LRRC7: variants seen among roughly 807,000 people sequenced by gnomAD.
The protein encoded by LRRC7 is leucine rich repeat containing 7, also known as leucine-rich repeat-containing protein 7.
In LRRC7, 23 loss-of-function variants were observed where a neutral mutation model predicts 175.7. The observed-to-expected ratio is 0.13, with a 90% CI of 0.09 to 0.19. The LOEUF (loss-of-function observed/expected upper bound fraction) is 0.19. LRRC7 is among the 10% of genes least tolerant of loss of function. The probability of loss-of-function intolerance (pLI) is 1.00; values close to 1 mark genes in which losing one functional copy is unlikely to be tolerated. For synonymous variants in LRRC7, 685 were observed against 680.9 expected (o/e 1.01, Z -0.09); for missense variants, 1,354 against 1,904.7 (o/e 0.71, Z 5.38).
intron 11 of LRRC7, among the ~76,000 whole-genome samples, chr1:70,007,300 T>G (rs575854428): frequency 6.6e-6 from 1 of 152,264 alleles, no homozygotes; most frequent in East Asian, 1.9e-4. Flanking sequence ...AAGAACTGGA[T>G]GAAGGTCAAA....
chr1:69,818,815 G>A (rs1678896427), intron 4 of LRRC7, among the ~76,000 whole-genome samples: 1 of 151,914 alleles, frequency 6.6e-6, no homozygotes, highest in Non-Finnish European at 1.5e-5. Flanking sequence ...TCATGATTCA[G>A]TCTAAGCAGG....
intron 7 of LRRC7, among the ~76,000 whole-genome samples, chr1:69,860,304 A>G (rs1684218310): frequency 6.6e-6 from 1 of 152,050 alleles, no homozygotes; most frequent in South Asian, 2.1e-4. Flanking sequence ...AGTACTTTAT[A>G]TGTATTAATA....
chr1:69,831,114 A>G (rs1680484240), intron 5 of LRRC7, among the ~76,000 whole-genome samples: 1 of 151,964 alleles, frequency 6.6e-6, no homozygotes, highest in Non-Finnish European at 1.5e-5. Flanking sequence ...GTTTTGATAT[A>G]TAGGAAAAAT....
chr1:69,743,710 T>C (rs1668958497), intron 2 of LRRC7, among the ~76,000 whole-genome samples: 1 of 151,950 alleles, frequency 6.6e-6, no homozygotes. Context: ...GGAAGTAACT[T>C]AAGGTCAGTT....
chr1:69,875,475 ATAAAAG>A (rs1426474269), intron 7 of LRRC7, among the ~76,000 whole-genome samples: 1 of 152,122 alleles, frequency 6.6e-6, no homozygotes, highest in African/African-American at 2.4e-5. Flanking sequence ...AGAAGTGATT[ATAAAAG>A]TAAAAGGTTA....
At chr1:69,786,018 T>A (rs1674368334) in intron 3 of LRRC7, among the ~76,000 whole-genome samples, 1 of 152,218 alleles carries the variant, frequency 6.6e-6, no homozygotes, top group South Asian at 2.1e-4. Context: ...ATCCACCATT[T>A]GCAGGCTTGA....
intron 8 of LRRC7, among the ~76,000 whole-genome samples, chr1:69,942,552 C>A (rs546723225): frequency 2.0e-5 from 3 of 152,138 alleles, no homozygotes; most frequent in Admixed American, 6.6e-5. Flanking sequence ...TCTAAAGGCA[C>A]TAGAGGAGAA....
Position 70,076,210 on chromosome 1 carries a change from C to G in LRRC7, c.4364C>G (p.Pro1455Arg). The change falls in exon 24 of 27, where the codon CCC becomes CGC. Residue 1455 changes from proline (P) to arginine (R), a missense_variant. Pro to Arg is a moderately radical substitution (Grantham distance 103). Coordinates refer to ENST00000651989, the MANE Select transcript of LRRC7 (RefSeq NM_001370785.2). ...QFQSPLPIQI[P>R]SSQATRGPQP... is the part of the protein sequence containing the mutation. ...CAGTCACCATTGCCTATTCAGATCC[C>G]CTCTTCACAGGCCACCCGGGGACCT... 6.2e-7 allele frequency: 1 copy of G among 1,614,068 alleles called. No individual in the cohort carries two copies. Among genetic ancestry groups the G allele is most frequent in the Non-Finnish European group, 8.5e-7 (1 of 1,179,978 alleles).
rs531165520 is a variant in LRRC7 at position 69,777,965 on chromosome 1, T to C, written c.304-14078T>C. Among the ~76,000 whole-genome samples, 56 of 152,306 alleles carry C rather than the reference T, an allele frequency of 3.7e-4. 2 individuals are homozygous for C. The East Asian group carries it at 5.4e-3, about 15-fold the overall frequency. On this transcript the variant is annotated intron_variant, in intron 3 of 26. Coordinates refer to ENST00000651989, the MANE Select transcript of LRRC7 (RefSeq NM_001370785.2). ...TCTCTAACTTCAGGGGAAAAAACCA[T>C]GCAGCTTAGCATGGAATGCTGACAT... is the stretch of plus-strand genomic sequence containing the variant.
At chr1:70,102,361 G>C (rs547228269) in intron 25 of LRRC7, among the ~76,000 whole-genome samples, 1 of 152,220 alleles carries the variant, frequency 6.6e-6, no homozygotes, top group East Asian at 1.9e-4. Flanking sequence ...CCCCTTATTT[G>C]TTAGGAATTC....
At chr1:69,575,286 G>A (rs1277223216) in intron 1 of LRRC7, among the ~76,000 whole-genome samples, 3 of 152,126 alleles carry the variant, frequency 2.0e-5, no homozygotes, top group Non-Finnish European at 4.4e-5. Context: ...TTACACCCGA[G>A]CAAAGTAGAA....
chr1:69,696,217 T>C (rs796288403), intron 2 of LRRC7, among the ~76,000 whole-genome samples: 49 of 152,276 alleles, frequency 3.2e-4, no homozygotes, highest in African/African-American at 9.9e-4. Flanking sequence ...AGCACAACAG[T>C]GTTCCCAGGT....
At chr1:70,116,408 G>A (rs1182339753) in intron 26 of LRRC7, among the ~76,000 whole-genome samples, 50 of 152,090 alleles carry the variant, frequency 3.3e-4, no homozygotes, top group Admixed American at 3.3e-3. Flanking sequence ...TTAGCCAGGC[G>A]TGGTGGCAGG....
Position 69,738,210 on chromosome 1 carries a change from A to C in LRRC7, c.101-21981A>C, listed in dbSNP as rs1030950947. Among the ~76,000 whole-genome samples, 4 of 151,966 alleles carry C rather than the reference A, an allele frequency of 2.6e-5. No homozygotes were observed. The East Asian group carries it at 7.7e-4, about 29-fold the overall frequency. On this transcript the variant is annotated intron_variant, in intron 2 of 26. Coordinates refer to ENST00000651989, the MANE Select transcript of LRRC7 (RefSeq NM_001370785.2). ...TAAGTAATATTGCATTGATTACTTC[A>C]CTCAGCTTTGTTTAGAGGGAACGTT...
chr1:69,789,128 G>C (rs1388297922), intron 3 of LRRC7, among the ~76,000 whole-genome samples: 6 of 151,890 alleles, frequency 4.0e-5, no homozygotes, highest in South Asian at 2.1e-4. Flanking sequence ...TAACTGCTGT[G>C]TTTCAGTTCT....
intron 8 of LRRC7, among the ~76,000 whole-genome samples, chr1:69,966,491 A>G (rs923557222): frequency 2.0e-5 from 3 of 152,246 alleles, no homozygotes; most frequent in African/African-American, 7.2e-5. Context: ...AGGTATAAAA[A>G]TAAATACAAT....
At chr1:69,925,785 TG>T (rs1405346889) in intron 7 of LRRC7, among the ~76,000 whole-genome samples, 3 of 151,408 alleles carry the variant, frequency 2.0e-5, no homozygotes, top group Non-Finnish European at 2.9e-5. Flanking sequence ...AGGGTTTTTT[TG>T]TGTCTCTATT....
At chr1:69,843,148 T>C (rs1393090364) in intron 7 of LRRC7, among the ~76,000 whole-genome samples, 1 of 151,858 alleles carries the variant, frequency 6.6e-6, no homozygotes, top group Non-Finnish European at 1.5e-5. Context: ...GCAGAGATCA[T>C]GCCACTGAAC....
At chr1:69,905,728 G>C (rs1314614795) in intron 7 of LRRC7, among the ~76,000 whole-genome samples, 1 of 152,208 alleles carries the variant, frequency 6.6e-6, no homozygotes, top group East Asian at 1.9e-4. Context: ...ACATGTGCAT[G>C]TGTCTTTATA....
Sources: gnomAD v4.1 joint callset for allele counts (sites outside exome capture counted in the v4.1 genomes callset) on GRCh38, gnomAD v4.1.1 for gene constraint, MANE v1.5 for transcripts, NCBI Gene and HGNC (gene_info 2026-07-23, HGNC 2026-07-21) for gene names.